LYPD3: variants seen among roughly 807,000 people sequenced by gnomAD.
LYPD3 encodes the protein ly6/PLAUR domain-containing protein 3.
In LYPD3, 22 loss-of-function variants were observed where a neutral mutation model predicts 21.7. That is an observed-to-expected ratio of 1.01 (90% confidence interval 0.72 to 1.45). The LOEUF is 1.45. Among genes scored for constraint, LYPD3 ranks in the 40% most tolerant of loss-of-function variants. LYPD3 has a pLI of 0.00. For synonymous variants in LYPD3, 179 were observed against 203.0 expected, an observed-to-expected ratio of 0.88 and a Z score of 1.00; for missense variants, 471 against 466.9, an observed-to-expected ratio of 1.01 and a Z score of -0.08.
Position 43,461,417 on chromosome 19 carries a change from G to C in LYPD3, c.975C>G (p.Gly325=), listed in dbSNP as rs1970774019. The C allele has an allele frequency of 1.9e-6, 3 of 1,613,902 alleles. No homozygotes were observed. The highest frequency in any genetic ancestry group is 2.5e-6 in the Non-Finnish European group (3 of 1,179,878). Reference sequence around the variant, plus strand: ...CCAATCCAGCTGTGGGAGCCACACAGCCTTTATTATGGGGCTGCTGGGGCC... The same window carrying C: ...CCAATCCAGCTGTGGGAGCCACACACCCTTTATTATGGGGCTGCTGGGGCC... ...KGGPQQPHNK[G]CVAPTAGLAA... Residue 325 remains glycine (G), a synonymous_variant, in exon 5 of 5, where the codon GGC becomes GGG. Transcript: ENST00000244333.
chr19:43,463,889 C>T, intron 2 of LYPD3, 120 bp from the exon 3 acceptor site: 1 of 1,018,492 alleles, frequency 9.8e-7, no homozygotes, highest in Non-Finnish European at 1.5e-6. Context: ...ACAGGACCGA[C>T]AGGCAGGAAT....
intron 4 of LYPD3, 84 bp from the exon 5 acceptor site, chr19:43,461,931 A>G: frequency 1.4e-6 from 2 of 1,463,948 alleles, no homozygotes; most frequent in Non-Finnish European, 1.9e-6. Context: ...GCATCAGACA[A>G]GAACAGAGAA....
Position 43,461,082 on chromosome 19 carries a change from A to G in LYPD3, c.*269T>C. 2.2e-6 allele frequency: 1 copy of G among 453,254 alleles called. No homozygotes were observed. Among genetic ancestry groups the G allele is most frequent in the Non-Finnish European group, 4.0e-6 (1 of 251,768 alleles). The allele number at this position is 453,254 out of a possible 1,614,324, so 28.1% of individuals were successfully genotyped here. A position where few individuals can be genotyped will look rare whatever the true frequency, so the allele number is the denominator to read the frequency against. ...CAGCTGACTTCTCTCACTCTGTCCT[A>G]ACATCACAAGAGGACAAGCGGAGAG... On this transcript the variant is annotated 3_prime_UTR_variant, in exon 5 of 5. Transcript: ENST00000244333.
chr19:43,461,010 G>A lies in LYPD3; in HGVS notation c.*341C>T. On this transcript the variant is annotated 3_prime_UTR_variant, in exon 5 of 5. Transcript: ENST00000244333. ...GCTCCAAAGTCCAGGCTGGCTAGGA[G>A]AAAGTGAGTAGGAAGCTTAGCATCC... 1 of 238,786 alleles carries A rather than the reference G, an allele frequency of 4.2e-6. No individual in the cohort carries two copies. The highest frequency in any genetic ancestry group is 8.2e-6 in the Non-Finnish European group (1 of 121,374). 14.8% of individuals were successfully genotyped at this position (238,786 alleles called of 1,614,324 possible).
Position 43,463,746 on chromosome 19 carries a change from C to T in LYPD3, c.235G>A (p.Val79Met), listed in dbSNP as rs2122417014. Reference sequence around the variant, plus strand: ...GGGAGTCCCGAACCGCAACCCCGCACTGCCAGCGAGAATTGTCCGTGGACT... The same window carrying T: ...GGGAGTCCCGAACCGCAACCCCGCATTGCCAGCGAGAATTGTCCGTGGACT... Reference protein sequence around the residue: ...ETIHGQFSLAVRGCGSGLPGK... With the variant: ...ETIHGQFSLAMRGCGSGLPGK... Residue 79 changes from valine (V) to methionine (M), a missense_variant, in exon 3 of 5, where the codon GTG (valine) becomes ATG (methionine). By Grantham distance (21) the Val-to-Met change is conservative (BLOSUM62 1). Coordinates refer to ENST00000244333, the MANE Select transcript of LYPD3 (RefSeq NM_014400.3). 2 of 1,613,380 alleles carry T rather than the reference C, an allele frequency of 1.2e-6. No homozygotes were observed. The highest frequency in any genetic ancestry group is 1.7e-6 in the Non-Finnish European group (2 of 1,180,048).
Position 43,465,596 on chromosome 19 carries a change from C to G in LYPD3, c.-25G>C. The G allele has an allele frequency of 1.2e-6, 2 of 1,602,128 alleles. No individual in the cohort carries two copies. Among genetic ancestry groups the G allele is most frequent in the Non-Finnish European group, 1.7e-6 (2 of 1,176,068 alleles). ...TGGCTCCGTCCTGCTCCCTTGGCGT[C>G]CCCCCTGGATGTGCCGCCTCCGAGC... On this transcript the variant is annotated 5_prime_UTR_variant, in exon 1 of 5. Transcript: ENST00000244333.
chr19:43,462,978 C>T, intron 4 of LYPD3, 148 bp downstream of exon 4: 1 of 755,696 alleles, frequency 1.3e-6, no homozygotes. Flanking sequence ...TTCCATGATG[C>T]CCTACGATAC....
intron 1 of LYPD3, 27 bp downstream of exon 1, chr19:43,465,466 C>T: frequency 6.2e-7 from 1 of 1,605,670 alleles, no homozygotes. Flanking sequence ...ACTCTACCCC[C>T]TCCACCTCTC....
rs906655414 is a variant in LYPD3, at chr19:43,461,207, G to A, written c.*144C>T. 1.8e-5 allele frequency: 18 copies of A among 988,308 alleles called. No homozygotes were observed. The highest frequency in any genetic ancestry group is 5.3e-5 in the East Asian group (2 of 37,806). The allele number at this position is 988,308 out of a possible 1,614,324, so 61.2% of individuals were successfully genotyped here. A position where few individuals can be genotyped will look rare whatever the true frequency, so the allele number is the denominator to read the frequency against. ...TTATTTCCCAAAGCCGCAAACCAGC[G>A]CAGCAGAAGCTGGGGATACTGGGGA... On this transcript the variant is annotated 3_prime_UTR_variant, in exon 5 of 5. Coordinates refer to ENST00000244333, the MANE Select transcript of LYPD3 (RefSeq NM_014400.3).
intron 2 of LYPD3, 60 bp from the exon 3 acceptor site, chr19:43,463,829 C>A (rs1422510007): frequency 3.9e-6 from 6 of 1,528,038 alleles, no homozygotes; most frequent in Admixed American, 1.7e-5. Context: ...GGGCGTGGCC[C>A]AGAGTTGGGT....
rs149262059 is a variant in LYPD3, at chr19:43,461,993, G to A, written c.545-146C>T. On this transcript the variant is annotated intron_variant, in intron 4 of 4. Coordinates refer to ENST00000244333, the MANE Select transcript of LYPD3 (RefSeq NM_014400.3). Reference sequence around the variant, plus strand: ...TGTAATCCCAGCACTTTGGGAAGCCGAGGCAGGTGGATCACTGGGCAACAG... The same window carrying A: ...TGTAATCCCAGCACTTTGGGAAGCCAAGGCAGGTGGATCACTGGGCAACAG... 1,898 of 715,490 alleles carry A rather than the reference G, an allele frequency of 2.7e-3. 19 individuals carry two copies. The highest frequency in any genetic ancestry group is 0.022 in the East Asian group (801 of 36,688). 44.3% of individuals were successfully genotyped at this position (715,490 alleles called of 1,614,324 possible).
At chr19:43,463,413 C>T in intron 3 of LYPD3, 126 bp from the exon 4 acceptor site, 1 of 1,383,024 alleles carries the variant, frequency 7.2e-7, no homozygotes, top group Non-Finnish European at 9.9e-7. Flanking sequence ...GTAGCCCCGC[C>T]CCAGCGCGCA....
chr19:43,464,926 C>CTTTTT lies in LYPD3; in HGVS notation c.80-475_80-471dup, dbSNP rs768875729. Among the ~76,000 whole-genome samples the CTTTTT allele has an allele frequency of 4.1e-3, 398 of 96,998 alleles. 15 individuals are homozygous for CTTTTT. The highest frequency in any genetic ancestry group is 5.7e-3 in the Middle Eastern group (1 of 174). 63.6% of individuals were successfully genotyped at this position (96,998 alleles called of 152,430 possible). A position where few individuals can be genotyped will look rare whatever the true frequency, so the allele number is the denominator to read the frequency against. On this transcript the variant is annotated intron_variant, in intron 1 of 4. Transcript: ENST00000244333. ...ACAGGGAACACTTTTTTCTTTTTTTCTTTTTTTCTTTTTTTTTTTTTTGAG... is the reference window on the plus strand; with the variant it reads ...ACAGGGAACACTTTTTTCTTTTTTTCTTTTTTTTTTTTCTTTTTTTTTTTTTTGAG...
chr19:43,463,019 C>A, intron 4 of LYPD3, 107 bp downstream of exon 4: 2 of 1,205,562 alleles, frequency 1.7e-6, no homozygotes, highest in Non-Finnish European at 2.4e-6. Flanking sequence ...TCCCAGAATG[C>A]GTCGCAGGTT....
intron 1 of LYPD3, 127 bp downstream of exon 1, chr19:43,465,366 C>T: frequency 1.9e-6 from 2 of 1,074,084 alleles, no homozygotes; most frequent in Non-Finnish European, 2.7e-6. Flanking sequence ...GATGGGGGAA[C>T]TTTGCCCACA....
intron 2 of LYPD3, 136 bp from the exon 3 acceptor site, chr19:43,463,905 G>T: frequency 1.1e-6 from 1 of 896,586 alleles, no homozygotes; most frequent in Non-Finnish European, 1.8e-6. Context: ...GGAATTGGCG[G>T]ATGGACGCCC....
chr19:43,461,380 A>G lies in LYPD3; in HGVS notation c.1012T>C (p.Leu338=). Residue 338 remains leucine (L), a synonymous_variant, in exon 5 of 5, where the codon TTG becomes CTG. Coordinates refer to ENST00000244333, the MANE Select transcript of LYPD3 (RefSeq NM_014400.3). The part of the protein sequence containing the change: ...APTAGLAALL[L]AVAAGVLL Reference sequence around the variant, plus strand: ...AGTAGGACACCAGCAGCCACGGCCAACAGAAGGGCTGCCAATCCAGCTGTG... The same window carrying G: ...AGTAGGACACCAGCAGCCACGGCCAGCAGAAGGGCTGCCAATCCAGCTGTG... 1 of 1,609,106 alleles carries G rather than the reference A, an allele frequency of 6.2e-7. No individual in the cohort carries two copies. Among genetic ancestry groups the G allele is most frequent in the East Asian group, 2.2e-5 (1 of 44,778 alleles).
intron 4 of LYPD3, 28 bp downstream of exon 4, chr19:43,463,098 T>C (rs374550002): frequency 1.8e-5 from 29 of 1,609,026 alleles, no homozygotes; most frequent in Admixed American, 3.3e-5. Flanking sequence ...ACAACTCCCG[T>C]AGGTCCCGTG....
In LYPD3 at chr19:43,463,719, C is replaced by G; in HGVS notation, c.262G>C (p.Gly88Arg). ...AGATCCAGGCCGCGGTCATTCTTGCCGGGGAGTCCCGAACCGCAACCCCGC... is the reference window on the plus strand; with the variant it reads ...AGATCCAGGCCGCGGTCATTCTTGCGGGGGAGTCCCGAACCGCAACCCCGC... ...AVRGCGSGLP[G>R]KNDRGLDLHG... The change falls in exon 3 of 5, where the codon GGC becomes CGC. Residue 88 changes from glycine to arginine, a missense_variant. Physicochemically the swap from Gly to Arg is moderately radical, Grantham distance 125. Transcript: ENST00000244333. 1.2e-6 allele frequency: 2 copies of G among 1,613,228 alleles called. No individual in the cohort carries two copies. The highest frequency in any genetic ancestry group is 1.7e-6 in the Non-Finnish European group (2 of 1,180,020).
Sources: gnomAD v4.1 joint callset for allele counts (sites outside exome capture counted in the v4.1 genomes callset) on GRCh38, gnomAD v4.1.1 for gene constraint, MANE v1.5 for transcripts, NCBI Gene and HGNC (gene_info 2026-07-23, HGNC 2026-07-21) for gene names.